Variants in CCDC69 observed in about 807,000 individuals in gnomAD.
The protein encoded by CCDC69 is coiled-coil domain-containing protein 69.
CCDC69 carries 38 observed loss-of-function variants against 40.3 expected under a neutral mutation model. That is an observed-to-expected ratio of 0.94 (90% CI 0.73 to 1.24). The LOEUF is 1.24. Among genes scored for constraint, CCDC69 ranks in the 50% most tolerant of loss-of-function variants. The probability of loss-of-function intolerance (pLI) is 0.00; values close to 1 mark genes in which losing one functional copy is unlikely to be tolerated. For missense variants in CCDC69, 389 were observed against 357.9 expected, an observed-to-expected ratio of 1.09 and a Z score of -0.70; for synonymous variants, 141 against 138.9, an observed-to-expected ratio of 1.02 and a Z score of -0.11.
intron 1 of CCDC69, among the ~76,000 whole-genome samples, chr5:151,220,176 T>C (rs1452121036): frequency 1.3e-5 from 2 of 152,188 alleles, no homozygotes; most frequent in Non-Finnish European, 2.9e-5. Flanking sequence ...GGGTACAATC[T>C]AGGCAGTGAT....
intron 4 of CCDC69, among the ~76,000 whole-genome samples, chr5:151,195,270 G>A (rs248449): frequency 0.57 from 86,763 of 152,010 alleles, 25,928 homozygotes; most frequent in Admixed American, 0.66. Context: ...TATTTGTAAC[G>A]CTAAAAATAA....
chr5:151,183,513 ACC>A lies in CCDC69; in HGVS notation c.813_814del (p.Val272ProfsTer18). ...GGCAGGCGAGGCATTGGCCCCAAGG[ACC>A]CGGTACAACAGCTCCTCCTTCTCCT... On this transcript the variant is annotated frameshift_variant, in exon 9 of 9. Transcript: ENST00000355417. LOFTEE classifies it high-confidence loss of function. 6.2e-7 allele frequency: 1 copy of A among 1,608,754 alleles called. No individual in the cohort carries two copies. Among genetic ancestry groups the A allele is most frequent in the Non-Finnish European group, 8.5e-7 (1 of 1,178,278 alleles).
chr5:151,202,906 C>G (rs910093675), intron 2 of CCDC69, among the ~76,000 whole-genome samples: 7 of 152,108 alleles, frequency 4.6e-5, no homozygotes, highest in Non-Finnish European at 8.8e-5. Flanking sequence ...ATGATTAAAT[C>G]AGGAAACAAT....
At chr5:151,217,177 G>A (rs1410945598) in intron 1 of CCDC69, among the ~76,000 whole-genome samples, 1 of 152,166 alleles carries the variant, frequency 6.6e-6, no homozygotes, top group Non-Finnish European at 1.5e-5. Context: ...ATATGTACCT[G>A]AGAAGTATGT....
rs1031548576 is a variant in CCDC69 at position 151,182,771 on chromosome 5, T to C, written c.*666A>G. 3.0e-6 allele frequency: 1 copy of C among 330,988 alleles called. No homozygotes were observed. The highest frequency in any genetic ancestry group is 4.1e-5 in the Admixed American group (1 of 24,524). 20.5% of individuals were successfully genotyped at this position (330,988 alleles called of 1,614,324 possible). A position where few individuals can be genotyped will look rare whatever the true frequency, so the allele number is the denominator to read the frequency against. ...TACTGTCCCTTGGTGGACACGACTC[T>C]GGCCCAGGAATGATGCCTCAGCTGG... On this transcript the variant is annotated 3_prime_UTR_variant, in exon 9 of 9. Transcript: ENST00000355417.
At chr5:151,194,060 G>A (rs894455625) in intron 4 of CCDC69, among the ~76,000 whole-genome samples, 1 of 152,230 alleles carries the variant, frequency 6.6e-6, no homozygotes, top group Non-Finnish European at 1.5e-5. Flanking sequence ...ACCAGTGACA[G>A]CAAGTATTGG....
chr5:151,186,508 T>C (rs1330410195), intron 5 of CCDC69, among the ~76,000 whole-genome samples: 1 of 151,868 alleles, frequency 6.6e-6, no homozygotes, highest in East Asian at 1.9e-4. Context: ...CAACCCCACC[T>C]CTTGCTTTAA....
chr5:151,202,957 C>T (rs1411078485), intron 2 of CCDC69, among the ~76,000 whole-genome samples: 1 of 152,110 alleles, frequency 6.6e-6, no homozygotes, highest in Non-Finnish European at 1.5e-5. Flanking sequence ...GGACTGAGAG[C>T]TTACCATGCC....
intron 3 of CCDC69, among the ~76,000 whole-genome samples, chr5:151,201,251 G>A (rs918944212): frequency 6.6e-6 from 1 of 152,146 alleles, no homozygotes; most frequent in Non-Finnish European, 1.5e-5. Flanking sequence ...TTTCTATAAC[G>A]CATCAGCCAG....
At chr5:151,200,935 G>C (rs991220800) in intron 3 of CCDC69, among the ~76,000 whole-genome samples, 9 of 152,172 alleles carry the variant, frequency 5.9e-5, no homozygotes, top group Non-Finnish European at 1.5e-5. Flanking sequence ...GTATTTCTGT[G>C]TAATTGTGTT....
At chr5:151,210,254 T>C (rs544926994) in intron 1 of CCDC69, among the ~76,000 whole-genome samples, 1 of 152,312 alleles carries the variant, frequency 6.6e-6, no homozygotes, top group African/African-American at 2.4e-5. Flanking sequence ...AATAAATATA[T>C]TGATTTAGGC....
intron 4 of CCDC69, among the ~76,000 whole-genome samples, chr5:151,188,677 C>A (rs6897702): frequency 0.17 from 25,437 of 150,928 alleles, 2,206 homozygotes; most frequent in African/African-American, 0.2. Flanking sequence ...AAGAATTTAT[C>A]AATATATAAT....
rs747546885 is a variant in CCDC69, at chr5:151,205,471, C to T, written c.53G>A (p.Arg18His). The T allele has an allele frequency of 6.0e-5, 97 of 1,613,902 alleles. No homozygotes were observed. The highest frequency in any genetic ancestry group is 1.5e-4 in the Admixed American group (9 of 59,982). The change falls in exon 2 of 9, where the codon CGC becomes CAC. Residue 18 changes from arginine (R) to histidine (H), a missense_variant. Transcript: ENST00000355417. ...LSSCKPPKKK[R>H]QEPEPEQPPR... ...TGGCTGTTCTGGTTCTGGTTCTTGG[C>T]GCTTCTGGAAGAAATGAGACAACAG...
At chr5:151,193,525 A>G (rs929642426) in intron 4 of CCDC69, among the ~76,000 whole-genome samples, 1 of 151,822 alleles carries the variant, frequency 6.6e-6, no homozygotes, top group African/African-American at 2.4e-5. Flanking sequence ...GAAAGAAAAG[A>G]AAAGAAAAAA....
At chr5:151,185,661 AGTGT>A in intron 6 of CCDC69, 120 bp from the exon 7 acceptor site, 1 of 1,000,878 alleles carries the variant, frequency 1.0e-6, no homozygotes. Flanking sequence ...GCCCATGTTA[AGTGT>A]TTAATATGCT....
At chr5:151,212,978 C>G (rs539111912) in intron 1 of CCDC69, 10 of 438,828 alleles carry the variant, frequency 2.3e-5, no homozygotes, top group African/African-American at 2.0e-4. Flanking sequence ...GAGAGTCAAA[C>G]TTCATGCTGT....
intron 1 of CCDC69, among the ~76,000 whole-genome samples, chr5:151,208,068 T>C (rs936948151): frequency 6.6e-6 from 1 of 152,050 alleles, no homozygotes; most frequent in East Asian, 1.9e-4. Flanking sequence ...CTGACCAACA[T>C]GGCAAAAACC....
Position 151,195,783 on chromosome 5 carries a change from C to A in CCDC69, c.319+3214G>T, listed in dbSNP as rs577676134. On this transcript the variant is annotated intron_variant, in intron 4 of 8. Coordinates refer to ENST00000355417, the MANE Select transcript of CCDC69 (RefSeq NM_015621.3). ...CACACACACCCACACACACCCACAC[C>A]CACAAAACCACAATTCTTCAATTTC... 1.3e-3 allele frequency among the ~76,000 whole-genome samples: 192 copies of A among 151,168 alleles called. 2 individuals carry two copies. The highest frequency in any genetic ancestry group is 4.6e-3 in the African/African-American group (188 of 41,178).
intron 7 of CCDC69, 136 bp from the exon 8 acceptor site, chr5:151,184,577 G>A: frequency 1.8e-6 from 1 of 560,868 alleles, no homozygotes; most frequent in Non-Finnish European, 3.2e-6. Flanking sequence ...GGAGCAATAA[G>A]GTAACTTAGA....
Sources: allele counts gnomAD v4.1 joint callset (sites outside exome capture counted in the v4.1 genomes callset), GRCh38; gene constraint gnomAD v4.1.1; transcripts MANE v1.5; gene names NCBI Gene and HGNC (gene_info 2026-07-23, HGNC 2026-07-21).